The following EML1 variants were observed in gnomAD, a reference collection of about 807,000 sequenced individuals.
EML1 encodes EMAP like 1.
Under a neutral mutation model 110.4 loss-of-function variants are expected in EML1, and 27 were observed. That is an observed-to-expected ratio of 0.24 (90% CI 0.18 to 0.34). The LOEUF is 0.34. EML1 is among the 10% of genes least tolerant of loss of function. The pLI, the probability that EML1 is intolerant of heterozygous loss-of-function variation, is 1.00. For missense variants in EML1, 741 were observed against 1,030.9 expected, an observed-to-expected ratio of 0.72 and a Z score of 3.85; for synonymous variants, 344 against 385.8, an observed-to-expected ratio of 0.89 and a Z score of 1.27.
chr14:99,865,738 A>G (rs1003656805), intron 3 of EML1, 92 bp downstream of exon 3: 7 of 1,453,274 alleles, frequency 4.8e-6, no homozygotes, highest in African/African-American at 1.4e-5. Context: ...ACATTGTACA[A>G]TTTCTTCTGT....
chr14:99,924,617 A>C (rs1413388751), intron 17 of EML1, among the ~76,000 whole-genome samples: 1 of 152,240 alleles, frequency 6.6e-6, no homozygotes, highest in Non-Finnish European at 1.5e-5. Context: ...CTGAAACCAC[A>C]GAAAGTTGTT....
intron 1 of EML1, among the ~76,000 whole-genome samples, chr14:99,757,056 A>G (rs2057263990): frequency 6.6e-6 from 1 of 152,216 alleles, no homozygotes; most frequent in South Asian, 2.1e-4. Context: ...AACAATCATT[A>G]AGGCTGGGCA....
upstream of EML1, among the ~76,000 whole-genome samples, chr14:99,768,830 G>A (rs2057393734): frequency 6.6e-6 from 1 of 151,388 alleles, no homozygotes; most frequent in Admixed American, 6.6e-5. Context: ...TGATTGTCCT[G>A]CCTCAGCCTC....
chr14:99,868,710 C>T (rs1336185317), intron 3 of EML1, among the ~76,000 whole-genome samples: 1 of 151,866 alleles, frequency 6.6e-6, no homozygotes, highest in Admixed American at 6.6e-5. Context: ...CTTTGTTAGT[C>T]TAGCTAAGGG....
intron 3 of EML1, among the ~76,000 whole-genome samples, chr14:99,877,652 G>A (rs1336225162): frequency 6.6e-6 from 1 of 152,188 alleles, no homozygotes; most frequent in African/African-American, 2.4e-5. Context: ...CAAAGGCATT[G>A]TACACAGGGT....
At chr14:99,887,789 A>T (rs1191106) in intron 4 of EML1, among the ~76,000 whole-genome samples, 46,035 of 152,100 alleles carry the variant, frequency 0.3, 7,968 homozygotes, top group South Asian at 0.49. Flanking sequence ...CTTTCTGCAT[A>T]CAGCTCCCGT....
At chr14:99,897,385 A>C in intron 7 of EML1, 91 bp downstream of exon 7, 1 of 1,279,690 alleles carries the variant, frequency 7.8e-7, no homozygotes, top group Non-Finnish European at 1.0e-6. Context: ...CCTGGGCAAC[A>C]GTGAAACCCT....
At chr14:99,874,946 G>A in intron 3 of EML1, 1 of 1,613,528 alleles carries the variant, frequency 6.2e-7, no homozygotes, top group Non-Finnish European at 8.5e-7. Flanking sequence ...ACAGATCTGT[G>A]AGTCTTCTCA....
chr14:99,775,200 A>T (rs372971982), intron 1 of EML1, among the ~76,000 whole-genome samples: 1 of 152,192 alleles, frequency 6.6e-6, no homozygotes, highest in Non-Finnish European at 1.5e-5. Flanking sequence ...TTCAAGTCAA[A>T]TCTGTTTCCT....
At chr14:99,771,666 G>A (rs2057429664), upstream of EML1, among the ~76,000 whole-genome samples, 3 of 152,098 alleles carry the variant, frequency 2.0e-5, no homozygotes, top group Admixed American at 2.0e-4. Context: ...ACAAAAATTA[G>A]CCAGGCATGG....
chr14:99,863,266 G>A (rs1240040352), intron 2 of EML1, among the ~76,000 whole-genome samples: 3 of 152,150 alleles, frequency 2.0e-5, no homozygotes, highest in Non-Finnish European at 2.9e-5. Context: ...TTTCCAAAAT[G>A]ACTTAGGTCA....
chr14:99,933,716 C>T (rs1223849859), intron 17 of EML1, among the ~76,000 whole-genome samples: 3 of 152,176 alleles, frequency 2.0e-5, no homozygotes, highest in African/African-American at 2.4e-5. Context: ...ATCTACTTCA[C>T]GAGGTTGTTA....
intron 3 of EML1, among the ~76,000 whole-genome samples, chr14:99,870,788 C>A (rs578017869): frequency 1.3e-5 from 2 of 152,148 alleles, no homozygotes; most frequent in East Asian, 3.8e-4. Context: ...GCCTACTGCT[C>A]GGAAGAAAAA....
chr14:99,862,573 C>T lies in EML1; in HGVS notation c.251-2941C>T, dbSNP rs903083913. On this transcript the variant is annotated intron_variant, in intron 2 of 21. Coordinates refer to ENST00000262233, the MANE Select transcript of EML1 (RefSeq NM_004434.3). ...ACTGTAGCATAAACTTACAGATACT[C>T]GTTGTGTACTTTGGGTTATAATCGA... Among the ~76,000 whole-genome samples the T allele has an allele frequency of 3.9e-5, 6 of 152,138 alleles. No homozygotes were observed. In the South Asian group the frequency reaches 6.2e-4, roughly 16 times the overall value.
At chr14:99,901,156 T>C in intron 9 of EML1, 117 bp downstream of exon 9, 1 of 845,248 alleles carries the variant, frequency 1.2e-6, no homozygotes, top group Non-Finnish European at 1.9e-6. Context: ...TGTACAGATT[T>C]GGACTCTGAA....
At position 99,936,438 on chromosome 14, in the gene EML1, C is replaced by T. The variant is rs114051769; in HGVS notation, c.2095+104C>T. On this transcript the variant is annotated intron_variant, in intron 19 of 21. Coordinates refer to ENST00000262233, the MANE Select transcript of EML1 (RefSeq NM_004434.3). This position sits in a 1 kb window ranked among gnomAD's most constrained non-coding sequence, Gnocchi z 5.5. ...ACCCACCTCCTGTATGACTTAGGCA[C>T]GTGCCATCATCTCTAGGTCATGGTT... The T allele has an allele frequency of 1.4e-3, 1,435 of 1,024,858 alleles. 13 individuals carry two copies. In the African/African-American group the frequency reaches 0.019, roughly 14 times the overall value. 63.5% of individuals were successfully genotyped at this position (1,024,858 alleles called of 1,614,324 possible).
upstream of EML1, among the ~76,000 whole-genome samples, chr14:99,770,376 T>G (rs985349965): frequency 2.8e-5 from 4 of 142,342 alleles, no homozygotes; most frequent in Admixed American, 2.8e-4. Context: ...AAAAAATTTC[T>G]TTCTATCTAT....
intron 10 of EML1, among the ~76,000 whole-genome samples, chr14:99,908,950 C>T (rs1178266042): frequency 6.6e-6 from 1 of 152,160 alleles, no homozygotes; most frequent in South Asian, 2.1e-4. Context: ...TCCATTTGTT[C>T]GGCCAGACTG....
intron 1 of EML1, among the ~76,000 whole-genome samples, chr14:99,824,074 A>C (rs1301219428): frequency 6.6e-6 from 1 of 152,042 alleles, no homozygotes; most frequent in Non-Finnish European, 1.5e-5. Flanking sequence ...CTCCTGCCTT[A>C]GCCTCCCTAG....
Sources: gnomAD v4.1 joint callset for allele counts (sites outside exome capture counted in the v4.1 genomes callset) on GRCh38, gnomAD v4.1.1 for gene constraint, Gnocchi (gnomAD v3.1) non-coding constraint, MANE v1.5 for transcripts, NCBI Gene and HGNC (gene_info 2026-07-23, HGNC 2026-07-21) for gene names.